Variants in KCNH5 observed in about 807,000 individuals in gnomAD.
KCNH5 encodes the protein potassium voltage-gated channel subfamily H member 5.
Under a neutral mutation model 96.1 loss-of-function variants are expected in KCNH5, and 46 were observed. That is an observed-to-expected ratio of 0.48 (90% CI 0.38 to 0.61). KCNH5 has a LOEUF of 0.61. Ranked by LOEUF, KCNH5 falls within the 20% of genes least tolerant of loss-of-function variation. The probability of loss-of-function intolerance (pLI) is 0.00; values close to 1 mark genes in which losing one functional copy is unlikely to be tolerated. For synonymous variants in KCNH5, 439 were observed against 449.8 expected (o/e 0.98, Z 0.30); for missense variants, 907 against 1,225.8 (o/e 0.74, Z 3.88).
intron 4 of KCNH5, among the ~76,000 whole-genome samples, chr14:62,997,495 A>T (rs1281493629): frequency 6.6e-6 from 1 of 152,134 alleles, no homozygotes; most frequent in Non-Finnish European, 1.5e-5. Context: ...TTTGTGAATT[A>T]CATTTTTATA....
chr14:63,043,137 A>C (rs1243103091), intron 1 of KCNH5, among the ~76,000 whole-genome samples: 1 of 152,178 alleles, frequency 6.6e-6, no homozygotes, highest in Non-Finnish European at 1.5e-5. Flanking sequence ...ACCTAAGGTA[A>C]ATCTTTATTT....
intron 8 of KCNH5, among the ~76,000 whole-genome samples, chr14:62,812,768 GA>G (rs1886898664): frequency 6.6e-6 from 1 of 151,856 alleles, no homozygotes; most frequent in African/African-American, 2.4e-5. Flanking sequence ...AATCATAGAG[GA>G]AAAAACTCTT....
At chr14:62,864,306 A>G (rs190318220) in intron 7 of KCNH5, among the ~76,000 whole-genome samples, 1 of 152,316 alleles carries the variant, frequency 6.6e-6, no homozygotes, top group East Asian at 1.9e-4. Context: ...TTCTCTGTAA[A>G]GAGCAATTAG....
At chr14:62,983,187 C>T (rs1289932650) in intron 5 of KCNH5, among the ~76,000 whole-genome samples, 1 of 151,980 alleles carries the variant, frequency 6.6e-6, no homozygotes, top group Non-Finnish European at 1.5e-5. Flanking sequence ...TCCTAGACTC[C>T]TTCATGGTGA....
intron 7 of KCNH5, among the ~76,000 whole-genome samples, chr14:62,883,371 A>G (rs996057179): frequency 1.3e-5 from 2 of 152,214 alleles, no homozygotes; most frequent in Non-Finnish European, 2.9e-5. Flanking sequence ...TGAAATAAAA[A>G]AAGAGTCTTT....
chr14:62,877,301 A>C (rs945339692), intron 7 of KCNH5, among the ~76,000 whole-genome samples: 1 of 151,760 alleles, frequency 6.6e-6, no homozygotes, highest in Non-Finnish European at 1.5e-5. Flanking sequence ...CTTCATGTCT[A>C]AAACACCAAA....
intron 6 of KCNH5, among the ~76,000 whole-genome samples, chr14:62,966,580 C>T (rs763992052): frequency 3.3e-5 from 5 of 152,212 alleles, no homozygotes; most frequent in African/African-American, 9.6e-5. Flanking sequence ...TACATTAACA[C>T]GACTTTGGAC....
intron 7 of KCNH5, among the ~76,000 whole-genome samples, chr14:62,897,144 G>GA (rs1220007614): frequency 1.3e-5 from 2 of 152,130 alleles, no homozygotes; most frequent in Admixed American, 1.3e-4. Flanking sequence ...TTAATAGCCA[G>GA]TGTTTCCAAT....
chr14:62,840,431 C>T (rs1887552551), intron 8 of KCNH5, among the ~76,000 whole-genome samples: 1 of 152,114 alleles, frequency 6.6e-6, no homozygotes, highest in Non-Finnish European at 1.5e-5. Context: ...TCCTTGACTC[C>T]AGACCCATGC....
rs530378399 is a variant in KCNH5, at chr14:62,801,932, G to T, written c.1822+397C>A. Among the ~76,000 whole-genome samples the T allele has an allele frequency of 2.6e-5, 4 of 152,124 alleles. No individual in the cohort carries two copies. In the East Asian group the frequency reaches 5.8e-4, roughly 22 times the overall value. On this transcript the variant is annotated intron_variant, in intron 9 of 10. Transcript: ENST00000322893. ...ACTAAGCTTCTCTGGACCTCACTTG[G>T]CTCCTCTCTAAAGAAAAGGGTTGAA...
chr14:62,834,354 A>T (rs759931023), intron 8 of KCNH5, among the ~76,000 whole-genome samples: 6 of 152,030 alleles, frequency 3.9e-5, no homozygotes, highest in Non-Finnish European at 8.8e-5. Context: ...CGGATATAAT[A>T]AATATTTATT....
intron 10 of KCNH5, among the ~76,000 whole-genome samples, chr14:62,769,602 GC>G (rs1032103599): frequency 5.6e-4 from 86 of 152,320 alleles, no homozygotes; most frequent in African/African-American, 2.0e-3. Flanking sequence ...AGAAACAGCA[GC>G]TGGGAGTTAA....
intron 1 of KCNH5, among the ~76,000 whole-genome samples, chr14:63,043,445 C>A (rs537356407): frequency 6.6e-6 from 1 of 152,260 alleles, no homozygotes; most frequent in South Asian, 2.1e-4. Context: ...TTTCCCCAAA[C>A]TGTTTTAAGA....
Position 62,807,749 on chromosome 14 carries a change from G to A in KCNH5, c.1570-5168C>T, listed in dbSNP as rs1886796586. Among the ~76,000 whole-genome samples the A allele has an allele frequency of 2.0e-5, 3 of 152,030 alleles. No homozygotes were observed. In the South Asian group the frequency reaches 6.2e-4, roughly 31 times the overall value. ...TTCTTGTCCTAAAGTAAAATGACTG[G>A]TTGTTTAAAAGGAGGGATGTTTAGA... is the stretch of plus-strand genomic sequence containing the variant. On this transcript the variant is annotated intron_variant, in intron 8 of 10. Transcript: ENST00000322893.
At chr14:62,865,665 C>T (rs534698538) in intron 7 of KCNH5, among the ~76,000 whole-genome samples, 3 of 152,318 alleles carry the variant, frequency 2.0e-5, no homozygotes, top group South Asian at 4.1e-4. Flanking sequence ...TTTATGTTGA[C>T]TGGTTCCTTT....
chr14:62,937,296 CCTGT>C (rs1306967457), intron 7 of KCNH5, among the ~76,000 whole-genome samples: 3 of 152,160 alleles, frequency 2.0e-5, no homozygotes, highest in Non-Finnish European at 2.9e-5. Flanking sequence ...CTCTCCTTGA[CCTGT>C]CTGTCTTCTT....
chr14:62,805,175 T>C (rs1886740329), intron 8 of KCNH5, among the ~76,000 whole-genome samples: 1 of 152,194 alleles, frequency 6.6e-6, no homozygotes, highest in South Asian at 2.1e-4. Context: ...CATAGGACTT[T>C]CATTGTTTTC....
At chr14:62,756,738 G>T (rs754769518) in intron 10 of KCNH5, among the ~76,000 whole-genome samples, 10 of 152,088 alleles carry the variant, frequency 6.6e-5, no homozygotes, top group Non-Finnish European at 8.8e-5. Context: ...GGGAAAACTG[G>T]ATATCCATAT....
intron 9 of KCNH5, among the ~76,000 whole-genome samples, chr14:62,795,085 T>C (rs539341123): frequency 6.6e-6 from 1 of 152,230 alleles, no homozygotes; most frequent in African/African-American, 2.4e-5. Flanking sequence ...TTGTTCAAAT[T>C]GCCTAGTTAA....
Sources: gnomAD v4.1 joint callset for allele counts (sites outside exome capture counted in the v4.1 genomes callset) on GRCh38, gnomAD v4.1.1 for gene constraint, MANE v1.5 for transcripts, NCBI Gene and HGNC (gene_info 2026-07-23, HGNC 2026-07-21) for gene names.